Variants in OPHN1 observed in about 807,000 individuals in gnomAD.
OPHN1 encodes oligophrenin 1.
A neutral mutation model predicts 60.7 loss-of-function variants in OPHN1; 11 were observed. That is an observed-to-expected ratio of 0.18 (90% CI 0.11 to 0.30). The LOEUF (loss-of-function observed/expected upper bound fraction) is 0.30. Ranked by LOEUF, OPHN1 falls within the 10% of genes least tolerant of loss-of-function variation. The pLI, the probability that OPHN1 is intolerant of heterozygous loss-of-function variation, is 1.00. For synonymous variants in OPHN1, 226 were observed against 222.6 expected (o/e 1.02, Z -0.14); for missense variants, 449 against 611.0 (o/e 0.73, Z 2.80).
At chrX:68,131,465 C>T (rs1953525816) in intron 15 of OPHN1, among the ~76,000 whole-genome samples, 1 of 111,028 alleles carries the variant, frequency 9.0e-6, no homozygotes, top group East Asian at 2.8e-4. Flanking sequence ...ATCCGCCCAC[C>T]TCGGCCTCCC....
At chrX:68,178,638 A>G (rs189179810) in intron 15 of OPHN1, among the ~76,000 whole-genome samples, 223 of 111,737 alleles carry the variant, frequency 2.0e-3, no homozygotes, top group Middle Eastern at 4.6e-3. Flanking sequence ...TCCTGACCTC[A>G]GGTGATCCAC....
chrX:68,298,975 A>G lies in OPHN1; in HGVS notation c.250+26T>C, dbSNP rs746605429. 4 of 998,938 alleles carry G rather than the reference A, an allele frequency of 4.0e-6. No individual in the cohort carries two copies. In the East Asian group the frequency reaches 9.7e-5, roughly 24 times the overall value. 82.3% of individuals were successfully genotyped at this position (998,938 alleles called of 1,213,427 possible). A position where few individuals can be genotyped will look rare whatever the true frequency, so the allele number is the denominator to read the frequency against. ...GTCTCAGGGCTGCCTCAACAGGTATATGACCACATGTAGCTGAAGACTTAC... is the reference window on the plus strand; with the variant it reads ...GTCTCAGGGCTGCCTCAACAGGTATGTGACCACATGTAGCTGAAGACTTAC... On this transcript the variant is annotated intron_variant, in intron 3 of 24. Transcript: ENST00000355520.
intron 2 of OPHN1, among the ~76,000 whole-genome samples, chrX:68,420,950 G>A (rs1357280449): frequency 9.1e-6 from 1 of 110,214 alleles, no homozygotes; most frequent in South Asian, 3.9e-4. Flanking sequence ...TTTCAGTACT[G>A]ATTTTGTGAC....
At chrX:68,317,160 C>T (rs1289267482) in intron 2 of OPHN1, among the ~76,000 whole-genome samples, 3 of 105,999 alleles carry the variant, frequency 2.8e-5, no homozygotes, top group African/African-American at 1.0e-4. Context: ...ATTAGCCTGG[C>T]GTGGTAATGC....
At chrX:68,180,316 C>T (rs140231927) in intron 15 of OPHN1, among the ~76,000 whole-genome samples, 7,754 of 111,443 alleles carry the variant, frequency 0.07, 229 homozygotes, top group African/African-American at 0.097. Context: ...ATTTTCACTA[C>T]GCTTTCTGAA....
At chrX:68,054,335 T>C (rs149145457) in intron 21 of OPHN1, among the ~76,000 whole-genome samples, 724 of 111,334 alleles carry the variant, frequency 6.5e-3, no homozygotes, top group African/African-American at 0.023. Flanking sequence ...AAAATAAATA[T>C]AAACACTTTT....
chrX:68,197,693 G>C (rs1299032173), intron 11 of OPHN1, among the ~76,000 whole-genome samples: 1 of 111,355 alleles, frequency 9.0e-6, no homozygotes, highest in Non-Finnish European at 1.9e-5. Flanking sequence ...GCTTCTTCCA[G>C]CACCTGCGAT....
chrX:68,247,323 C>T (rs992614163), intron 5 of OPHN1, among the ~76,000 whole-genome samples: 2 of 111,631 alleles, frequency 1.8e-5, no homozygotes, highest in Non-Finnish European at 3.8e-5. Flanking sequence ...TATTTAAGGC[C>T]GTAGGCAAAT....
intron 6 of OPHN1, among the ~76,000 whole-genome samples, chrX:68,225,880 TG>T (rs1217328837): frequency 1.8e-5 from 2 of 112,218 alleles, no homozygotes; most frequent in African/African-American, 6.5e-5. Context: ...AGAATGACTT[TG>T]ATGAGTTGAG....
intron 3 of OPHN1, among the ~76,000 whole-genome samples, chrX:68,286,201 G>A (rs1358812567): frequency 1.8e-5 from 2 of 111,549 alleles, no homozygotes; most frequent in African/African-American, 6.5e-5. Context: ...GTTGCTTGTT[G>A]TTACATTGGC....
chrX:68,231,998 A>G (rs2077731019), intron 6 of OPHN1, among the ~76,000 whole-genome samples: 1 of 112,402 alleles, frequency 8.9e-6, no homozygotes, highest in Non-Finnish European at 1.9e-5. Flanking sequence ...GAGTAAGGGC[A>G]TATGAGAACT....
intron 2 of OPHN1, among the ~76,000 whole-genome samples, chrX:68,414,152 T>C (rs976272824): frequency 8.9e-6 from 1 of 112,050 alleles, no homozygotes; most frequent in Admixed American, 9.5e-5. Context: ...AACTAAAGAT[T>C]GTTCCCTTTC....
chrX:68,272,751 G>A (rs758505959), intron 5 of OPHN1, among the ~76,000 whole-genome samples: 4 of 111,883 alleles, frequency 3.6e-5, no homozygotes, highest in South Asian at 3.8e-4. Flanking sequence ...AACATTAGGC[G>A]ACGCATGACT....
At chrX:68,078,180 T>C (rs1331012148) in intron 19 of OPHN1, among the ~76,000 whole-genome samples, 1 of 111,241 alleles carries the variant, frequency 9.0e-6, no homozygotes, top group East Asian at 2.8e-4. Context: ...TCTGTGAAAA[T>C]ATTTATTGTC....
chrX:68,406,995 G>A (rs1569305472), intron 2 of OPHN1, among the ~76,000 whole-genome samples: 1 of 112,338 alleles, frequency 8.9e-6, no homozygotes, highest in East Asian at 2.8e-4. Flanking sequence ...CCTGAGGTCA[G>A]GAGTTCAAGA....
intron 1 of OPHN1, 27 bp from the exon 2 acceptor site, chrX:68,433,051 G>A: frequency 8.5e-7 from 1 of 1,174,916 alleles, no homozygotes; most frequent in Non-Finnish European, 1.1e-6. Flanking sequence ...GGGGGAAAGG[G>A]GAAAGACACA....
Position 68,281,468 on chromosome X carries a change from C to T in OPHN1, c.312+1588G>A, listed in dbSNP as rs181030201. ...ATGTAAAACAAAAAGCTAAAAAATT[C>T]CAAAAATATAACATAGGAGAAAATC... is the stretch of plus-strand genomic sequence containing the variant. On this transcript the variant is annotated intron_variant, in intron 4 of 24. Coordinates refer to ENST00000355520, the MANE Select transcript of OPHN1 (RefSeq NM_002547.3). 8.3e-3 allele frequency among the ~76,000 whole-genome samples: 928 copies of T among 111,519 alleles called. 4 individuals carry two copies. The highest frequency in any genetic ancestry group is 0.012 in the Non-Finnish European group (649 of 52,994).
chrX:68,257,821 TC>T (rs916084460), intron 5 of OPHN1, among the ~76,000 whole-genome samples: 1 of 110,906 alleles, frequency 9.0e-6, no homozygotes, highest in Non-Finnish European at 1.9e-5. Context: ...AAACAGGGAA[TC>T]CCCAAATTAC....
intron 15 of OPHN1, among the ~76,000 whole-genome samples, chrX:68,180,715 T>C (rs1312482205): frequency 1.8e-5 from 2 of 111,904 alleles, no homozygotes; most frequent in Non-Finnish European, 1.9e-5. Flanking sequence ...ACCACCCACA[T>C]TAATATGACG....
Sources: gnomAD v4.1 joint callset for allele counts (sites outside exome capture counted in the v4.1 genomes callset) on GRCh38, gnomAD v4.1.1 for gene constraint, MANE v1.5 for transcripts, NCBI Gene and HGNC (gene_info 2026-07-23, HGNC 2026-07-21) for gene names.